Variants in UBE2D4 observed in about 807,000 individuals in gnomAD.
The protein encoded by UBE2D4 is ubiquitin conjugating enzyme E2 D4, also known as ubiquitin-conjugating enzyme E2 D4.
Under a neutral mutation model 23.0 loss-of-function variants are expected in UBE2D4, and 17 were observed. The ratio of observed to expected loss-of-function variants is 0.74; its 90% CI spans 0.51 to 1.11. The LOEUF (loss-of-function observed/expected upper bound fraction) is 1.11, where lower values mean the gene tolerates loss of function less well. Ranked by LOEUF, UBE2D4 falls within the 50% of genes least tolerant of loss-of-function variation. The pLI is 0.00. For synonymous variants in UBE2D4, 61 were observed against 69.4 expected, an observed-to-expected ratio of 0.88 and a Z score of 0.60; for missense variants, 139 against 181.8, an observed-to-expected ratio of 0.76 and a Z score of 1.35.
Position 43,954,285 on chromosome 7 carries a change from T to TTTTC in UBE2D4, c.*1590_*1591insTTTC, listed in dbSNP as rs1464137420. On this transcript the variant is annotated 3_prime_UTR_variant, in exon 7 of 7. Coordinates refer to ENST00000222402, the MANE Select transcript of UBE2D4 (RefSeq NM_015983.4). Reference sequence around the variant, plus strand: ...TTTTTTTTTTTTTTTTTTTTTTTTTTAACACAGAGCCTTGCTCTGTCTCCC... The same window carrying TTTTC: ...TTTTTTTTTTTTTTTTTTTTTTTTTTTTTCAACACAGAGCCTTGCTCTGTCTCCC... 1 of 100,364 alleles carries TTTTC rather than the reference T, an allele frequency of 1.0e-5. No homozygotes were observed. The highest frequency in any genetic ancestry group is 4.2e-5 in the African/African-American group (1 of 23,796). 6.2% of individuals were successfully genotyped at this position (100,364 alleles called of 1,614,324 possible). A position where few individuals can be genotyped will look rare whatever the true frequency, so the allele number is the denominator to read the frequency against.
In UBE2D4 at chr7:43,926,540, T is replaced by A; in HGVS notation, c.8T>A (p.Leu3Gln). Reference protein sequence around the residue: MALKRIQKELTDL... With the variant: MAQKRIQKELTDL... The stretch of plus-strand genomic sequence containing the variant: ...CCCCGGCAGCGGGGTAGGATGGCGC[T>A]AAAGCGGATCCAGAAGGTACGCACT... The change falls in exon 1 of 7, where the codon CTA becomes CAA. Residue 3 changes from leucine to glutamine, a missense_variant. By Grantham distance (113) the Leu-to-Gln change is moderately radical (BLOSUM62 -2). Transcript: ENST00000222402. 6.4e-7 allele frequency: 1 copy of A among 1,566,754 alleles called. No homozygotes were observed. Among genetic ancestry groups the A allele is most frequent in the Non-Finnish European group, 8.6e-7 (1 of 1,160,356 alleles).
At chr7:43,933,266 T>G (rs2132757132) in intron 1 of UBE2D4, among the ~76,000 whole-genome samples, 1 of 152,064 alleles carries the variant, frequency 6.6e-6, no homozygotes, top group South Asian at 2.1e-4. Context: ...TGTCATGTAG[T>G]GCATCAAATT....
rs947394498 is a variant in UBE2D4 at position 43,955,893 on chromosome 7, T to C, written c.*3198T>C. 3 of 152,106 alleles carry C rather than the reference T, an allele frequency of 2.0e-5. No homozygotes were observed. The highest frequency in any genetic ancestry group is 4.8e-5 in the African/African-American group (2 of 41,398). The allele number at this position is 152,106 out of a possible 1,614,324, so 9.4% of individuals were successfully genotyped here. The stretch of plus-strand genomic sequence containing the variant: ...ATGGTGGTCTTCAGAAAAATGGAGA[T>C]TGTGGCTGCCAGCACCCACAAGACA... On this transcript the variant is annotated 3_prime_UTR_variant, in exon 7 of 7. Coordinates refer to ENST00000222402, the MANE Select transcript of UBE2D4 (RefSeq NM_015983.4).
chr7:43,948,892 G>A (rs181777104), intron 5 of UBE2D4, 155 bp downstream of exon 5: 46 of 605,448 alleles, frequency 7.6e-5, no homozygotes, highest in East Asian at 7.6e-4. Context: ...ATCCTTACAC[G>A]CCTACGAGGC....
At chr7:43,951,756 C>G (rs188709706) in intron 6 of UBE2D4, among the ~76,000 whole-genome samples, 1 of 152,112 alleles carries the variant, frequency 6.6e-6, no homozygotes, top group Non-Finnish European at 1.5e-5. Context: ...CTCCTGGACT[C>G]GAGCAATCTG....
In UBE2D4 at chr7:43,930,111, C is replaced by A. The variant is rs148673086; in HGVS notation, c.24+3555C>A. ...TTCCAGAAGAACTGATAAGAATATT[C>A]TCAGAAAGCCCAGCAGATCTTTTTT... On this transcript the variant is annotated intron_variant, in intron 1 of 6. Coordinates refer to ENST00000222402, the MANE Select transcript of UBE2D4 (RefSeq NM_015983.4). 3.1e-3 allele frequency among the ~76,000 whole-genome samples: 474 copies of A among 152,322 alleles called. 4 individuals are homozygous for A. The highest frequency in any genetic ancestry group is 0.017 in the Middle Eastern group (5 of 294).
rs533778626 is a variant in UBE2D4, at chr7:43,947,693, A to G, written c.199-939A>G. On this transcript the variant is annotated intron_variant, in intron 4 of 6. Transcript: ENST00000222402. ...TAGCATGATTTATAATCCTTTGGGT[A>G]TGTACCCAGTAATGGGATCACTACT... 1.1e-3 allele frequency among the ~76,000 whole-genome samples: 173 copies of G among 152,354 alleles called. 1 individual carries two copies. Among genetic ancestry groups the G allele is most frequent in the Middle Eastern group, 3.4e-3 (1 of 294 alleles).
At chr7:43,945,483 C>T (rs2095984011) in intron 4 of UBE2D4, among the ~76,000 whole-genome samples, 1 of 152,096 alleles carries the variant, frequency 6.6e-6, no homozygotes. Flanking sequence ...AATTTTCTGA[C>T]AATAGGAGGA....
In UBE2D4 at chr7:43,944,068, C is replaced by T. The variant is rs931166979; in HGVS notation, c.198+1037C>T. The T allele has an allele frequency of 2.0e-5, 3 of 152,264 alleles. No homozygotes were observed. Among genetic ancestry groups the T allele is most frequent in the Non-Finnish European group, 4.4e-5 (3 of 68,212 alleles). 9.4% of individuals were successfully genotyped at this position (152,264 alleles called of 1,614,324 possible). A position where few individuals can be genotyped will look rare whatever the true frequency, so the allele number is the denominator to read the frequency against. On this transcript the variant is annotated intron_variant, in intron 4 of 6. Transcript: ENST00000222402. The surrounding 1 kb of genome is among the most constrained non-coding windows in gnomAD (Gnocchi z 4.0). The stretch of plus-strand genomic sequence containing the variant: ...AGGAGGCCAGAGGGGTACGGATGGC[C>T]CCAGGAGTAGGGTCTGCACGCCGTT...
At chr7:43,933,941 G>A (rs1481660009) in intron 1 of UBE2D4, among the ~76,000 whole-genome samples, 1 of 152,172 alleles carries the variant, frequency 6.6e-6, no homozygotes, top group African/African-American at 2.4e-5. Context: ...TATGAGGTAA[G>A]TGCATTGCTG....
At chr7:43,951,146 A>G (rs566468796) in intron 6 of UBE2D4, among the ~76,000 whole-genome samples, 1 of 152,362 alleles carries the variant, frequency 6.6e-6, no homozygotes, top group East Asian at 1.9e-4. Flanking sequence ...TGCTGTGGTC[A>G]GTTCGCTGGC....
chr7:43,941,489 G>A (rs2095972360), intron 2 of UBE2D4: 1 of 152,348 alleles, frequency 6.6e-6, no homozygotes, highest in East Asian at 1.9e-4. Context: ...ACCTGGAAGG[G>A]AAGCATGAGA....
At chr7:43,943,315 G>T in intron 4 of UBE2D4, 1 of 549,718 alleles carries the variant, frequency 1.8e-6, no homozygotes. Flanking sequence ...ATGTCTCCAG[G>T]CTCTGGCTCC....
At position 43,932,889 on chromosome 7, in the gene UBE2D4, TA is replaced by T. The variant is rs538255001; in HGVS notation, c.25-5536del. The stretch of plus-strand genomic sequence containing the variant: ...GAAAATGCCCCCAAAATTCAGTTTT[TA>T]AAAAACTCATCTCTAGTCATCTAAA... On this transcript the variant is annotated intron_variant, in intron 1 of 6. Coordinates refer to ENST00000222402, the MANE Select transcript of UBE2D4 (RefSeq NM_015983.4). Among the ~76,000 whole-genome samples, 386 of 124,528 alleles carry T rather than the reference TA, an allele frequency of 3.1e-3. 2 individuals are homozygous for T. The highest frequency in any genetic ancestry group is 4.9e-3 in the Non-Finnish European group (297 of 60,566). 81.7% of individuals were successfully genotyped at this position (124,528 alleles called of 152,430 possible).
intron 1 of UBE2D4, among the ~76,000 whole-genome samples, chr7:43,928,902 C>T (rs761115135): frequency 2.0e-4 from 30 of 152,168 alleles, no homozygotes; most frequent in African/African-American, 5.5e-4. Flanking sequence ...TAAAAGGGAG[C>T]GTTTGGAAAA....
rs555985116 is a variant in UBE2D4 at position 43,927,825 on chromosome 7, T to C, written c.24+1269T>C. Among the ~76,000 whole-genome samples, 192 of 152,312 alleles carry C rather than the reference T, an allele frequency of 1.3e-3. 1 individual carries two copies. Among genetic ancestry groups the C allele is most frequent in the Non-Finnish European group, 2.4e-3 (164 of 68,020 alleles). ...GTTTTGAGAATTAAATGCTATGAAA[T>C]GTGTTTAGCACATGCTTGCTGTATA... On this transcript the variant is annotated intron_variant, in intron 1 of 6. Transcript: ENST00000222402.
intron 1 of UBE2D4, among the ~76,000 whole-genome samples, chr7:43,930,906 C>T (rs901101049): frequency 9.9e-5 from 15 of 151,956 alleles, no homozygotes; most frequent in African/African-American, 1.5e-4. Context: ...GAGGCTGAGG[C>T]GGGCAGATCA....
At chr7:43,950,778 G>C in intron 6 of UBE2D4, 86 bp downstream of exon 6, 1 of 1,107,930 alleles carries the variant, frequency 9.0e-7, no homozygotes, top group Non-Finnish European at 1.4e-6. Flanking sequence ...GGTGCTTCTA[G>C]GCTGCAGGTT....
intron 5 of UBE2D4, 26 bp from the exon 6 acceptor site, chr7:43,950,569 CAGCT>C: frequency 6.2e-7 from 1 of 1,600,106 alleles, no homozygotes; most frequent in Non-Finnish European, 8.6e-7. Context: ...TTCGTGGCTA[CAGCT>C]GACCAACCTT....
Sources: allele counts gnomAD v4.1 joint callset (sites outside exome capture counted in the v4.1 genomes callset), GRCh38; gene constraint gnomAD v4.1.1; non-coding constraint Gnocchi (gnomAD v3.1); transcripts MANE v1.5; gene names NCBI Gene and HGNC (gene_info 2026-07-23, HGNC 2026-07-21).